Variants in FGF13 observed in about 807,000 individuals in gnomAD.
The protein encoded by FGF13 is fibroblast growth factor 13, also known as fibroblast growth factor homologous factor 2.
FGF13 carries 2 observed loss-of-function variants against 19.5 expected under a neutral mutation model. The ratio of observed to expected loss-of-function variants is 0.10; its 90% CI spans 0.04 to 0.32. The LOEUF (loss-of-function observed/expected upper bound fraction) is 0.32, where lower values mean the gene tolerates loss of function less well. Ranked by LOEUF, FGF13 falls within the 10% of genes least tolerant of loss-of-function variation. The pLI is 1.00. For synonymous variants in FGF13, 72 were observed against 76.9 expected (o/e 0.94, Z 0.33); for missense variants, 113 against 192.7 (o/e 0.59, Z 2.45).
rs761956165 is a variant in FGF13, at chrX:139,002,561, T to C, written c.-112-137911A>G. On this transcript the variant is annotated intron_variant, in intron 1 of 2. Transcript: ENST00000421460. Reference sequence around the variant, plus strand: ...CAGCTGGGGAAGCTAAGGAAATGCTTGTACCACTTGTCCCCCAACCCCAAG... The same window carrying C: ...CAGCTGGGGAAGCTAAGGAAATGCTCGTACCACTTGTCCCCCAACCCCAAG... Among the ~76,000 whole-genome samples the C allele has an allele frequency of 4.6e-4, 51 of 110,801 alleles. 1 individual carries two copies. In the South Asian group the frequency reaches 0.019, roughly 42 times the overall value.
At chrX:138,748,195 C>A (rs768318953) in intron 3 of FGF13, among the ~76,000 whole-genome samples, 2 of 111,704 alleles carry the variant, frequency 1.8e-5, no homozygotes, top group African/African-American at 3.3e-5. Flanking sequence ...TATAATTGCA[C>A]AAAATTTTGA....
At chrX:139,172,293 T>C (rs949025482) in intron 1 of FGF13, among the ~76,000 whole-genome samples, 1 of 112,048 alleles carries the variant, frequency 8.9e-6, no homozygotes, top group Non-Finnish European at 1.9e-5. Flanking sequence ...GAGCTATTCC[T>C]GCAGCAGGTT....
chrX:138,674,268 T>C (rs1051819470), intron 3 of FGF13, among the ~76,000 whole-genome samples: 1 of 111,574 alleles, frequency 9.0e-6, no homozygotes, highest in African/African-American at 3.3e-5. Flanking sequence ...CCCCATATTA[T>C]AGATGAGAGA....
chrX:139,151,331 C>A (rs1249131375), intron 1 of FGF13, among the ~76,000 whole-genome samples: 1 of 111,609 alleles, frequency 9.0e-6, no homozygotes. Context: ...CCATTGATCG[C>A]CCATTCTAAA....
chrX:138,638,559 A>C (rs2089208855), intron 3 of FGF13, among the ~76,000 whole-genome samples: 1 of 111,836 alleles, frequency 8.9e-6, no homozygotes, highest in Non-Finnish European at 1.9e-5. Context: ...TCCAGATGGT[A>C]GGGAACTTGT....
chrX:139,163,164 T>A (rs2084049881), intron 1 of FGF13, among the ~76,000 whole-genome samples: 1 of 111,996 alleles, frequency 8.9e-6, no homozygotes, highest in Admixed American at 9.5e-5. Context: ...AATGATAGAC[T>A]GGATAAAGAA....
At chrX:138,967,965 C>T (rs191215703) in intron 1 of FGF13, among the ~76,000 whole-genome samples, 7 of 111,132 alleles carry the variant, frequency 6.3e-5, no homozygotes, top group African/African-American at 1.6e-4. Context: ...CTTTTCCAGA[C>T]GACAAAACTA....
intron 3 of FGF13, among the ~76,000 whole-genome samples, chrX:138,773,754 A>T (rs1286492705): frequency 8.9e-6 from 1 of 111,965 alleles, no homozygotes; most frequent in Non-Finnish European, 1.9e-5. Context: ...TGATTTTACA[A>T]CTTGGGGACA....
intron 3 of FGF13, among the ~76,000 whole-genome samples, chrX:138,767,054 G>A (rs2090507845): frequency 1.8e-5 from 2 of 111,465 alleles, no homozygotes; most frequent in Non-Finnish European, 3.8e-5. Flanking sequence ...GCTCAAGGAC[G>A]AGGCTCTGTG....
At chrX:138,672,186 T>G (rs1201759967) in intron 3 of FGF13, among the ~76,000 whole-genome samples, 3 of 111,101 alleles carry the variant, frequency 2.7e-5, no homozygotes, top group Non-Finnish European at 5.7e-5. Flanking sequence ...TACTAAGGAT[T>G]TTGGACGTTG....
intron 3 of FGF13, among the ~76,000 whole-genome samples, chrX:138,641,524 T>A (rs1602644756): frequency 8.9e-6 from 1 of 112,397 alleles, no homozygotes; most frequent in African/African-American, 3.2e-5. Context: ...CTAATGAAAT[T>A]AATATGCAGA....
chrX:139,006,772 T>A (rs1569440794), intron 1 of FGF13, among the ~76,000 whole-genome samples: 1 of 111,773 alleles, frequency 8.9e-6, no homozygotes, highest in East Asian at 2.8e-4. Flanking sequence ...TAATTTATTA[T>A]CAAGTAAAAA....
intron 1 of FGF13, among the ~76,000 whole-genome samples, chrX:139,182,444 TA>T (rs2084247969): frequency 8.9e-6 from 1 of 112,431 alleles, no homozygotes; most frequent in African/African-American, 3.2e-5. Context: ...TGAAGTGTCA[TA>T]AGGTGGCTTC....
intron 1 of FGF13, among the ~76,000 whole-genome samples, chrX:139,151,653 T>G (rs1452299450): frequency 3.6e-5 from 4 of 112,158 alleles, no homozygotes; most frequent in Non-Finnish European, 7.5e-5. Flanking sequence ...TTTTAAACAT[T>G]GAAGCACCTT....
intron 3 of FGF13, among the ~76,000 whole-genome samples, chrX:138,759,516 T>C (rs7888292): frequency 0.053 from 5,910 of 111,989 alleles, 374 homozygotes; most frequent in African/African-American, 0.18. Flanking sequence ...GTGGAGCAGC[T>C]ACAAAAGATC....
chrX:138,978,235 C>T (rs1163455137), intron 1 of FGF13, among the ~76,000 whole-genome samples: 1 of 105,914 alleles, frequency 9.4e-6, no homozygotes, highest in African/African-American at 3.5e-5. Context: ...TACTTTCCAA[C>T]CTGTTTAATC....
rs763514542 is a variant in FGF13, at chrX:138,842,770, T to C, written c.217+14742A>G. Among the ~76,000 whole-genome samples the C allele has an allele frequency of 4.5e-3, 500 of 110,885 alleles. 2 individuals are homozygous for C. Among genetic ancestry groups the C allele is most frequent in the Non-Finnish European group, 7.9e-3 (416 of 52,921 alleles). On this transcript the variant is annotated intron_variant, in intron 3 of 6. Transcript: ENST00000436198. Reference sequence around the variant, plus strand: ...AGGGATGCTGCTCAATATCCTTCAATATATAGGACAGCCCTTGACAACAGA... The same window carrying C: ...AGGGATGCTGCTCAATATCCTTCAACATATAGGACAGCCCTTGACAACAGA...
At chrX:138,858,589 C>CA (rs1184740116) in intron 2 of FGF13, among the ~76,000 whole-genome samples, 1 of 111,187 alleles carries the variant, frequency 9.0e-6, no homozygotes, top group Non-Finnish European at 1.9e-5. Context: ...ACACCCTTCC[C>CA]AATGAGGCCA....
intron 1 of FGF13, among the ~76,000 whole-genome samples, chrX:138,730,077 TA>T (rs2090216934): frequency 9.0e-6 from 1 of 110,844 alleles, no homozygotes; most frequent in African/African-American, 3.3e-5. Context: ...TTATATCACA[TA>T]AAAATCCAAT....
Sources: allele counts gnomAD v4.1 joint callset (sites outside exome capture counted in the v4.1 genomes callset), GRCh38; gene constraint gnomAD v4.1.1; transcripts MANE v1.5; gene names NCBI Gene and HGNC (gene_info 2026-07-23, HGNC 2026-07-21).